Variants in DPF3 observed in about 807,000 individuals in gnomAD.
The protein encoded by DPF3 is zinc finger protein DPF3.
A neutral mutation model predicts 56.8 loss-of-function variants in DPF3; 18 were observed. The observed-to-expected ratio is 0.32, with a 90% CI of 0.22 to 0.47. The LOEUF is 0.47. Ranked by LOEUF, DPF3 falls within the 20% of genes least tolerant of loss-of-function variation. DPF3 has a pLI of 1.00. For synonymous variants in DPF3, 188 were observed against 180.2 expected, an observed-to-expected ratio of 1.04 and a Z score of -0.35; for missense variants, 403 against 488.8, an observed-to-expected ratio of 0.82 and a Z score of 1.65.
chr14:72,792,273 AG>A (rs1170380614), intron 1 of DPF3, among the ~76,000 whole-genome samples: 1 of 152,110 alleles, frequency 6.6e-6, no homozygotes, highest in African/African-American at 2.4e-5. Context: ...TGACACAAAG[AG>A]GGGGAAGGCC....
intron 8 of DPF3, among the ~76,000 whole-genome samples, chr14:72,635,688 T>C (rs1885365068): frequency 6.6e-6 from 1 of 152,336 alleles, no homozygotes; most frequent in African/African-American, 2.4e-5. Flanking sequence ...AGATATTCAG[T>C]ACATTGAGAG....
At chr14:72,834,786 G>A (rs1044156278) in intron 1 of DPF3, among the ~76,000 whole-genome samples, 13 of 152,334 alleles carry the variant, frequency 8.5e-5, no homozygotes, top group African/African-American at 2.9e-4. Flanking sequence ...CCAAAAAGCA[G>A]AGATAAAGCA....
At chr14:72,632,008 A>T (rs950527451) in intron 8 of DPF3, among the ~76,000 whole-genome samples, 17 of 152,214 alleles carry the variant, frequency 1.1e-4, no homozygotes, top group African/African-American at 3.9e-4. Context: ...CAGCTTAGCA[A>T]ATTACAAGGA....
intron 1 of DPF3, among the ~76,000 whole-genome samples, chr14:72,779,695 T>TG (rs2139960409): frequency 6.6e-6 from 1 of 152,376 alleles, no homozygotes; most frequent in African/African-American, 2.4e-5. Context: ...CTAGAACCTC[T>TG]GGCACACAGA....
intron 1 of DPF3, among the ~76,000 whole-genome samples, chr14:72,775,885 T>C (rs958696748): frequency 2.6e-5 from 4 of 152,006 alleles, no homozygotes; most frequent in Non-Finnish European, 5.9e-5. Flanking sequence ...CAGGGCTTGC[T>C]ATGCTCTCTA....
intron 8 of DPF3, among the ~76,000 whole-genome samples, chr14:72,649,159 C>A (rs536004877): frequency 1.1e-4 from 16 of 152,210 alleles, no homozygotes; most frequent in African/African-American, 3.9e-4. Context: ...GAATTCCAGA[C>A]TCATATATCC....
intron 5 of DPF3, among the ~76,000 whole-genome samples, 164 bp downstream of exon 5, chr14:72,723,469 A>G (rs1889266420): frequency 6.6e-6 from 1 of 152,026 alleles, no homozygotes; most frequent in Non-Finnish European, 1.5e-5. Context: ...GAACTCTTCC[A>G]GGCTACGACC....
At chr14:72,876,586 G>A (rs1490254870) in intron 1 of DPF3, among the ~76,000 whole-genome samples, 1 of 152,140 alleles carries the variant, frequency 6.6e-6, no homozygotes, top group East Asian at 1.9e-4. Flanking sequence ...TCTCCTCCAT[G>A]CAGTCCTTCC....
intron 1 of DPF3, among the ~76,000 whole-genome samples, chr14:72,809,066 T>C (rs373767062): frequency 6.6e-6 from 1 of 152,284 alleles, no homozygotes; most frequent in Non-Finnish European, 1.5e-5. Flanking sequence ...CCCTGGAGAG[T>C]TGGTTGTTAA....
intron 8 of DPF3, chr14:72,661,691 T>C: frequency 1.0e-6 from 1 of 985,390 alleles, no homozygotes; most frequent in East Asian, 1.1e-4. Context: ...AGCAACTGAA[T>C]TTGAGGTTCT....
chr14:72,645,293 G>A (rs1334877027), intron 8 of DPF3, among the ~76,000 whole-genome samples: 1 of 150,256 alleles, frequency 6.7e-6, no homozygotes, highest in Non-Finnish European at 1.5e-5. Context: ...TGCTAAGAAG[G>A]GATTTTTTTT....
chr14:72,856,202 A>T (rs1426025717), intron 1 of DPF3, among the ~76,000 whole-genome samples: 4 of 152,226 alleles, frequency 2.6e-5, no homozygotes. Context: ...TATCAGTCAC[A>T]GCCCCACCTT....
intron 1 of DPF3, among the ~76,000 whole-genome samples, chr14:72,879,204 T>C (rs1167937099): frequency 1.3e-5 from 2 of 152,064 alleles, no homozygotes; most frequent in Non-Finnish European, 2.9e-5. Flanking sequence ...GCCAACATGG[T>C]GAAACGCCAT....
At chr14:72,812,685 G>C (rs531094695) in intron 1 of DPF3, among the ~76,000 whole-genome samples, 1 of 152,298 alleles carries the variant, frequency 6.6e-6, no homozygotes, top group East Asian at 1.9e-4. Flanking sequence ...CCTGGGGGGA[G>C]AGGGCGCTCT....
chr14:72,623,555 T>C (rs1327216089), intron 9 of DPF3, among the ~76,000 whole-genome samples: 1 of 152,230 alleles, frequency 6.6e-6, no homozygotes, highest in African/African-American at 2.4e-5. Flanking sequence ...ATTCTGAGAC[T>C]GCTTTATGTG....
chr14:72,890,501 G>GATA (rs58089317), intron 1 of DPF3, among the ~76,000 whole-genome samples: 32 of 146,534 alleles, frequency 2.2e-4, no homozygotes, highest in East Asian at 1.2e-3. Flanking sequence ...AAAAAATAAT[G>GATA]ATAATAATAA....
At position 72,640,938 on chromosome 14, in the gene DPF3, G is replaced by C. The variant is rs114184381; in HGVS notation, c.872-11202C>G. 8.5e-3 allele frequency among the ~76,000 whole-genome samples: 1,293 copies of C among 152,320 alleles called. 19 individuals are homozygous for C. Among genetic ancestry groups the C allele is most frequent in the African/African-American group, 0.029 (1,220 of 41,568 alleles). On this transcript the variant is annotated intron_variant, in intron 8 of 10. Transcript: ENST00000556509. The stretch of plus-strand genomic sequence containing the variant: ...AATAAAAAGGACCTAGTTAGGGGTA[G>C]AGGGAAGAGTAACCATTGGAGTTGA...
At chr14:72,821,624 A>G (rs1316165105) in intron 1 of DPF3, among the ~76,000 whole-genome samples, 2 of 146,510 alleles carry the variant, frequency 1.4e-5, no homozygotes, top group Non-Finnish European at 3.1e-5. Context: ...TGAGATGTGT[A>G]GATGACTTAC....
intron 1 of DPF3, among the ~76,000 whole-genome samples, chr14:72,830,979 CG>C (rs1344134505): frequency 6.6e-6 from 1 of 152,164 alleles, no homozygotes; most frequent in Non-Finnish European, 1.5e-5. Context: ...CTGTGGAAGC[CG>C]TATCAATCGC....
Sources: allele counts gnomAD v4.1 joint callset (sites outside exome capture counted in the v4.1 genomes callset), GRCh38; gene constraint gnomAD v4.1.1; transcripts MANE v1.5; gene names NCBI Gene and HGNC (gene_info 2026-07-23, HGNC 2026-07-21).